Variants in PPP3CA observed in about 807,000 individuals in gnomAD.
PPP3CA encodes the protein CAM-PRP catalytic subunit.
In PPP3CA, 14 loss-of-function variants were observed where a neutral mutation model predicts 66.5. The observed-to-expected ratio is 0.21, with a 90% CI of 0.14 to 0.33. PPP3CA has a LOEUF of 0.33. Ranked by LOEUF, PPP3CA falls within the 10% of genes least tolerant of loss-of-function variation. The pLI is 1.00. For missense variants in PPP3CA, 317 were observed against 639.5 expected (o/e 0.50, Z 5.44); for synonymous variants, 232 against 226.2 (o/e 1.03, Z -0.23).
chr4:101,215,213 T>G (rs1725418714), intron 1 of PPP3CA, among the ~76,000 whole-genome samples: 1 of 151,924 alleles, frequency 6.6e-6, no homozygotes, highest in African/African-American at 2.4e-5. Flanking sequence ...CCAAATGTAG[T>G]ATGTGCGTTG....
At chr4:101,223,217 A>G (rs1725679228) in intron 1 of PPP3CA, among the ~76,000 whole-genome samples, 1 of 151,732 alleles carries the variant, frequency 6.6e-6, no homozygotes, top group Non-Finnish European at 1.5e-5. Context: ...TAGGTGAGAG[A>G]GGTAATTAAC....
At chr4:101,236,441 C>A (rs933199832) in intron 1 of PPP3CA, among the ~76,000 whole-genome samples, 1 of 151,820 alleles carries the variant, frequency 6.6e-6, no homozygotes, top group Non-Finnish European at 1.5e-5. Flanking sequence ...GGTTGGAGTG[C>A]TAGGCACCAA....
At chr4:101,137,835 G>A (rs1165230605) in intron 2 of PPP3CA, among the ~76,000 whole-genome samples, 2 of 149,750 alleles carry the variant, frequency 1.3e-5, no homozygotes, top group Non-Finnish European at 2.9e-5. Context: ...GCTGAGAGTA[G>A]GTACACATAA....
intron 6 of PPP3CA, among the ~76,000 whole-genome samples, chr4:101,083,656 A>G (rs552452613): frequency 2.5e-4 from 38 of 152,344 alleles, no homozygotes; most frequent in African/African-American, 9.1e-4. Context: ...CCATTTGTGC[A>G]TATGTGTGCA....
At chr4:101,241,947 C>T (rs985496992) in intron 1 of PPP3CA, among the ~76,000 whole-genome samples, 2 of 152,080 alleles carry the variant, frequency 1.3e-5, no homozygotes, top group Non-Finnish European at 2.9e-5. Flanking sequence ...TTGTTGTTAA[C>T]TGTACTGTGC....
At chr4:101,073,896 G>A (rs184545324) in intron 8 of PPP3CA, among the ~76,000 whole-genome samples, 10 of 152,258 alleles carry the variant, frequency 6.6e-5, no homozygotes, top group South Asian at 2.1e-4. Flanking sequence ...GTATGTTTAC[G>A]TTTTTTATAC....
In PPP3CA at chr4:101,106,449, G is replaced by GAAAGAAAGAAAGA. The variant is rs1730718725; in HGVS notation, c.384+2504_384+2505insTCTTTCTTTCTTT. 3.6e-4 allele frequency among the ~76,000 whole-genome samples: 2 copies of GAAAGAAAGAAAGA among 5,548 alleles called. 1 individual carries two copies. The highest frequency in any genetic ancestry group is 1.1e-3 in the Non-Finnish European group (2 of 1,880). 3.6% of individuals were successfully genotyped at this position (5,548 alleles called of 152,430 possible). A position where few individuals can be genotyped will look rare whatever the true frequency, so the allele number is the denominator to read the frequency against. On this transcript the variant is annotated intron_variant, in intron 3 of 13. Transcript: ENST00000394854. The stretch of plus-strand genomic sequence containing the variant: ...AGAAAGAAAGAAAGAAAGAAAGAAA[G>GAAAGAAAGAAAGA]AAAGAGAAAAGAAAAGAAAAGAAAA...
At chr4:101,314,954 C>A (rs1407089086) in intron 1 of PPP3CA, among the ~76,000 whole-genome samples, 1 of 152,064 alleles carries the variant, frequency 6.6e-6, no homozygotes, top group Non-Finnish European at 1.5e-5. Flanking sequence ...AACAACAGCT[C>A]TTGGTTTTAT....
At position 101,336,137 on chromosome 4, in the gene PPP3CA, T is replaced by A. The variant is rs1729626532; in HGVS notation, c.58+10602A>T. ...GGCTGAGGTGGAAGAATGGCTTGAA[T>A]CCAGGAGGCGGAGCTTGCAATGAGC... On this transcript the variant is annotated intron_variant, in intron 1 of 13. Transcript: ENST00000394854. Among the ~76,000 whole-genome samples the A allele has an allele frequency of 2.7e-5, 4 of 147,434 alleles. No homozygotes were observed. The South Asian group carries it at 8.7e-4, about 32-fold the overall frequency.
At position 101,347,087 on chromosome 4, in the gene PPP3CA, C is replaced by A. The variant is rs1290787423; in HGVS notation, c.-291G>T. 3 of 535,892 alleles carry A rather than the reference C, an allele frequency of 5.6e-6. No homozygotes were observed. The highest frequency in any genetic ancestry group is 3.5e-5 in the East Asian group (1 of 28,414). The allele number at this position is 535,892 out of a possible 1,614,324, so 33.2% of individuals were successfully genotyped here. On this transcript the variant is annotated 5_prime_UTR_variant, in exon 1 of 14. Coordinates refer to ENST00000394854, the MANE Select transcript of PPP3CA (RefSeq NM_000944.5). ...TTTATTTATTTTCTGAGCACGCCTC[C>A]CGGTTCTTCTTTTATTCTTGGGGGA...
chr4:101,330,007 A>G (rs1180929594), intron 1 of PPP3CA, among the ~76,000 whole-genome samples: 1 of 152,158 alleles, frequency 6.6e-6, no homozygotes, highest in Admixed American at 6.5e-5. Flanking sequence ...TTTAAGAAAT[A>G]TATCTCATAA....
chr4:101,137,482 A>G (rs1306030234), intron 2 of PPP3CA, among the ~76,000 whole-genome samples: 4 of 152,060 alleles, frequency 2.6e-5, no homozygotes, highest in African/African-American at 9.7e-5. Context: ...AAACCTGTCC[A>G]GGCTCTCCCA....
Position 101,347,318 on chromosome 4 carries a change from C to CGCCGCTGCTGCCGCTGCT in PPP3CA, c.-540_-523dup, listed in dbSNP as rs892043301. ...GCGTCCCCGGCGGCGGAGAGGCGGC[C>CGCCGCTGCTGCCGCTGCT]GCCGCTGCTGCCGCTGCTGCTGCCG... On this transcript the variant is annotated 5_prime_UTR_variant, in exon 1 of 14. Coordinates refer to ENST00000394854, the MANE Select transcript of PPP3CA (RefSeq NM_000944.5). 4.9e-6 allele frequency: 1 copy of CGCCGCTGCTGCCGCTGCT among 203,298 alleles called. No individual in the cohort carries two copies. Among genetic ancestry groups the CGCCGCTGCTGCCGCTGCT allele is most frequent in the Admixed American group, 6.3e-5 (1 of 15,956 alleles). The allele number at this position is 203,298 out of a possible 1,614,324, so 12.6% of individuals were successfully genotyped here. A position where few individuals can be genotyped will look rare whatever the true frequency, so the allele number is the denominator to read the frequency against.
At chr4:101,139,066 C>T (rs116015868) in intron 2 of PPP3CA, among the ~76,000 whole-genome samples, 1,863 of 152,084 alleles carry the variant, frequency 0.012, 48 homozygotes, top group African/African-American at 0.043. Context: ...GAAACTAGGC[C>T]GGGCATGGTG....
chr4:101,029,347 T>TAAAAAAAAAAAAAAAAAAAAAAAGA (rs1726818285), intron 12 of PPP3CA, 152 bp from the exon 13 acceptor site: 1 of 78,822 alleles, frequency 1.3e-5, no homozygotes. Flanking sequence ...ACAGAAATGC[T>TAAAAAAAAAAAAAAAAAAAAAAAGA]AAAAAAAAAA....
chr4:101,256,181 C>T lies in PPP3CA; in HGVS notation c.59-60065G>A, dbSNP rs541676516. On this transcript the variant is annotated intron_variant, in intron 1 of 13. Coordinates refer to ENST00000394854, the MANE Select transcript of PPP3CA (RefSeq NM_000944.5). ...TATATGAATTCTTAATAGAGATTTG[C>T]TATTAGCACAATAAAAATGCTATAT... 8.6e-5 allele frequency among the ~76,000 whole-genome samples: 13 copies of T among 151,898 alleles called. No homozygotes were observed. The East Asian group carries it at 2.5e-3, about 29-fold the overall frequency.
At chr4:101,190,223 C>T (rs1193058692) in intron 2 of PPP3CA, among the ~76,000 whole-genome samples, 2 of 152,010 alleles carry the variant, frequency 1.3e-5, no homozygotes, top group Admixed American at 6.6e-5. Flanking sequence ...TATATTTTAG[C>T]CTTCTCCAAA....
chr4:101,089,925 A>T (rs940846135), intron 6 of PPP3CA, among the ~76,000 whole-genome samples: 12 of 152,214 alleles, frequency 7.9e-5, no homozygotes, highest in African/African-American at 2.2e-4. Flanking sequence ...ACTTTATTTT[A>T]TTTAAATAAT....
intron 5 of PPP3CA, among the ~76,000 whole-genome samples, chr4:101,096,030 C>T (rs1730182699): frequency 1.3e-5 from 2 of 152,190 alleles, no homozygotes; most frequent in East Asian, 1.9e-4. Context: ...ATGCTCTATG[C>T]TCTATAGAAG....
Sources: allele counts gnomAD v4.1 joint callset (sites outside exome capture counted in the v4.1 genomes callset), GRCh38; gene constraint gnomAD v4.1.1; transcripts MANE v1.5; gene names NCBI Gene and HGNC (gene_info 2026-07-23, HGNC 2026-07-21).